Variants in PCDH15 observed in about 807,000 individuals in gnomAD.
PCDH15 encodes the protein protocadherin-15.
In PCDH15, 129 loss-of-function variants were observed where a neutral mutation model predicts 178.5. That is an observed-to-expected ratio of 0.72 (90% CI 0.63 to 0.84). The LOEUF (loss-of-function observed/expected upper bound fraction) is 0.84, where lower values mean the gene tolerates loss of function less well. Among genes scored for constraint, PCDH15 ranks in the 40% least tolerant of loss-of-function variants. PCDH15 has a pLI of 0.00. For missense variants in PCDH15, 2,230 were observed against 2,099.9 expected, an observed-to-expected ratio of 1.06 and a Z score of -1.21; for synonymous variants, 800 against 732.0, an observed-to-expected ratio of 1.09 and a Z score of -1.50.
chr10:54,989,135 G>T (rs1245066732), intron 2 of PCDH15, among the ~76,000 whole-genome samples: 1 of 152,186 alleles, frequency 6.6e-6, no homozygotes, highest in Non-Finnish European at 1.5e-5. Context: ...CAAGTGCGTA[G>T]AATTGGGATT....
chr10:54,599,890 GAA>G (rs2092443398), intron 2 of PCDH15: 1 of 706,006 alleles, frequency 1.4e-6, no homozygotes, highest in African/African-American at 1.8e-5. Flanking sequence ...AGCTAAAGAG[GAA>G]AAGAAAGTTG....
chr10:55,425,069 A>G (rs948253915), intron 2 of PCDH15, among the ~76,000 whole-genome samples: 3 of 152,046 alleles, frequency 2.0e-5, no homozygotes, highest in Admixed American at 2.0e-4. Flanking sequence ...TTAAAAGCTC[A>G]TATCTCCATG....
chr10:54,977,981 T>C (rs1405581460), intron 2 of PCDH15, among the ~76,000 whole-genome samples: 1 of 152,202 alleles, frequency 6.6e-6, no homozygotes, highest in Non-Finnish European at 1.5e-5. Context: ...TTTTATTCTT[T>C]GGGAAAGCCT....
chr10:55,482,331 ATTG>A (rs963168607), intron 2 of PCDH15, among the ~76,000 whole-genome samples: 1 of 151,624 alleles, frequency 6.6e-6, no homozygotes, highest in African/African-American at 2.4e-5. Flanking sequence ...CCAGGTTAGT[ATTG>A]TTATGTGTGG....
intron 2 of PCDH15, among the ~76,000 whole-genome samples, chr10:55,335,213 T>G (rs2132315367): frequency 6.6e-6 from 1 of 152,216 alleles, no homozygotes; most frequent in African/African-American, 2.4e-5. Flanking sequence ...TGACCTCCCA[T>G]TAGATCTGCC....
rs73257822 is a variant in PCDH15 at position 55,095,957 on chromosome 10, T to C, written c.-80+70619A>G. 2.9e-3 allele frequency among the ~76,000 whole-genome samples: 447 copies of C among 152,192 alleles called. 2 individuals carry two copies. Among genetic ancestry groups the C allele is most frequent in the African/African-American group, 0.01 (425 of 41,546 alleles). ...ATTCTGATTTTCTTTAGCTAGATAATAGGATCATGTACAAATCCATTGAAA... is the reference window on the plus strand; with the variant it reads ...ATTCTGATTTTCTTTAGCTAGATAACAGGATCATGTACAAATCCATTGAAA... On this transcript the variant is annotated intron_variant, in intron 2 of 5. Transcript: ENST00000458638.
At chr10:54,613,832 G>A (rs1235099212) in intron 2 of PCDH15, among the ~76,000 whole-genome samples, 2 of 151,454 alleles carry the variant, frequency 1.3e-5, no homozygotes, top group African/African-American at 2.4e-5. Flanking sequence ...CGGCACCCAC[G>A]AGAAAACAAT....
intron 2 of PCDH15, among the ~76,000 whole-genome samples, chr10:55,523,526 CTT>C (rs1408039360): frequency 6.6e-6 from 1 of 151,514 alleles, no homozygotes; most frequent in African/African-American, 2.4e-5. Context: ...AATTTACTAT[CTT>C]TGTTATTTTG....
intron 3 of PCDH15, among the ~76,000 whole-genome samples, chr10:54,519,371 A>G (rs545871614): frequency 6.6e-6 from 1 of 152,212 alleles, no homozygotes; most frequent in South Asian, 2.1e-4. Flanking sequence ...AAGTCTCAGG[A>G]TACAAAATCA....
At chr10:55,345,529 A>G (rs1392005337) in intron 2 of PCDH15, among the ~76,000 whole-genome samples, 1 of 152,126 alleles carries the variant, frequency 6.6e-6, no homozygotes, top group Non-Finnish European at 1.5e-5. Context: ...CCTGTACTCT[A>G]TAAATCAGAC....
At chr10:54,970,151 A>G (rs1309332803) in intron 2 of PCDH15, among the ~76,000 whole-genome samples, 1 of 152,188 alleles carries the variant, frequency 6.6e-6, no homozygotes, top group Non-Finnish European at 1.5e-5. Flanking sequence ...CCATGCAAGT[A>G]CACAGTGGCC....
intron 25 of PCDH15, among the ~76,000 whole-genome samples, chr10:53,925,933 T>G (rs1049589753): frequency 2.0e-5 from 3 of 152,236 alleles, no homozygotes; most frequent in Non-Finnish European, 4.4e-5. Context: ...TAAGTACTCA[T>G]GCTATATGAT....
intron 8 of PCDH15, among the ~76,000 whole-genome samples, chr10:54,239,406 T>C (rs111420286): frequency 0.044 from 6,629 of 150,246 alleles, 361 homozygotes; most frequent in African/African-American, 0.13. Context: ...CACATTTGCC[T>C]GTGATTAAAT....
intron 1 of PCDH15, among the ~76,000 whole-genome samples, chr10:54,666,411 T>C (rs1368004851): frequency 1.3e-5 from 2 of 151,986 alleles, no homozygotes; most frequent in Admixed American, 6.6e-5. Context: ...GAGAAAAGTA[T>C]TGGAAAAATT....
intron 18 of PCDH15, among the ~76,000 whole-genome samples, chr10:54,053,836 G>A (rs969607816): frequency 1.3e-5 from 2 of 152,158 alleles, no homozygotes; most frequent in Non-Finnish European, 2.9e-5. Flanking sequence ...TAATTATAAA[G>A]TGTCAAGACC....
At chr10:55,547,910 T>TGTGAGAGAGA (rs541144266) in intron 2 of PCDH15, among the ~76,000 whole-genome samples, 1,834 of 54,356 alleles carry the variant, frequency 0.034, 77 homozygotes, top group Middle Eastern at 0.058. Flanking sequence ...TGTGTGTGTG[T>TGTGAGAGAGA]GAGAGAGAGA....
At chr10:55,349,057 C>A (rs1482863802) in intron 2 of PCDH15, among the ~76,000 whole-genome samples, 1 of 152,134 alleles carries the variant, frequency 6.6e-6, no homozygotes, top group Non-Finnish European at 1.5e-5. Context: ...CTTGATCAAT[C>A]TGGCAACAAT....
chr10:55,502,037 T>C (rs990068654), intron 2 of PCDH15, among the ~76,000 whole-genome samples: 1 of 151,660 alleles, frequency 6.6e-6, no homozygotes, highest in African/African-American at 2.4e-5. Context: ...GTGTGATACC[T>C]AGACCAAAAC....
intron 3 of PCDH15, among the ~76,000 whole-genome samples, chr10:54,447,577 A>C (rs1444267355): frequency 6.6e-6 from 1 of 151,654 alleles, no homozygotes; most frequent in Admixed American, 6.6e-5. Flanking sequence ...TTTCCTTTTT[A>C]AGGCCCATTA....
Sources: allele counts gnomAD v4.1 joint callset (sites outside exome capture counted in the v4.1 genomes callset), GRCh38; gene constraint gnomAD v4.1.1; transcripts MANE v1.5; gene names NCBI Gene and HGNC (gene_info 2026-07-23, HGNC 2026-07-21).